Variants in KIF13B observed in about 807,000 individuals in gnomAD.
The protein encoded by KIF13B is kinesin-like protein KIF13B.
Under a neutral mutation model 222.0 loss-of-function variants are expected in KIF13B, and 127 were observed. The ratio of observed to expected loss-of-function variants is 0.57; its 90% CI spans 0.50 to 0.66. KIF13B has a LOEUF of 0.66. Ranked by LOEUF, KIF13B falls within the 30% of genes least tolerant of loss-of-function variation. The pLI, the probability that KIF13B is intolerant of heterozygous loss-of-function variation, is 0.00. For missense variants in KIF13B, 2,173 were observed against 2,379.0 expected, an observed-to-expected ratio of 0.91 and a Z score of 1.80; for synonymous variants, 976 against 919.0, an observed-to-expected ratio of 1.06 and a Z score of -1.12.
upstream of KIF13B, chr8:29,263,193 C>T (rs1412516338): frequency 1.3e-5 from 8 of 630,582 alleles, no homozygotes; most frequent in Non-Finnish European, 2.1e-5. Flanking sequence ...CGCTGTATGG[C>T]GGGACTTGTA....
chr8:29,141,332 TAA>T (rs76105853), intron 19 of KIF13B, among the ~76,000 whole-genome samples: 13 of 140,812 alleles, frequency 9.2e-5, no homozygotes, highest in African/African-American at 1.0e-4. Context: ...AGACTCCATC[TAA>T]AAAAAAAAAA....
In KIF13B at chr8:29,071,618, A is replaced by G; in HGVS notation, c.5218+2T>C. On this transcript the variant is annotated splice_donor_variant, in intron 39 of 39. Coordinates refer to ENST00000524189, the MANE Select transcript of KIF13B (RefSeq NM_015254.4). LOFTEE classifies it high-confidence loss of function. The surrounding 1 kb of genome is among the most constrained non-coding windows in gnomAD (Gnocchi z 4.9). ...CTGGAGCCCGGAGTGCCCGGTACCC[A>G]CCTGAGGGCAGGTCGAGCTCCACGC... The G allele has an allele frequency of 6.5e-7, 1 of 1,549,456 alleles. No individual in the cohort carries two copies. The highest frequency in any genetic ancestry group is 8.7e-7 in the Non-Finnish European group (1 of 1,147,534).
chr8:29,194,417 AC>A (rs1458854541), intron 3 of KIF13B, among the ~76,000 whole-genome samples: 1 of 152,000 alleles, frequency 6.6e-6, no homozygotes, highest in Non-Finnish European at 1.5e-5. Context: ...TGTGCTCGAC[AC>A]TGTTCAAAGG....
At chr8:29,113,348 C>G (rs1466627) in intron 32 of KIF13B, 115 bp downstream of exon 32, 256,092 of 551,204 alleles carry the variant, frequency 0.46, 63,761 homozygotes, top group Non-Finnish European at 0.53. Context: ...AAAATCTATA[C>G]CTTCCCTAAA....
intron 37 of KIF13B, among the ~76,000 whole-genome samples, chr8:29,083,327 T>G (rs1248151049): frequency 1.3e-5 from 2 of 152,194 alleles, no homozygotes; most frequent in Non-Finnish European, 2.9e-5. Context: ...TATAGCTAGT[T>G]TTGACAGAGA....
At chr8:29,122,448 A>T in intron 29 of KIF13B, 143 bp downstream of exon 29, 1 of 671,340 alleles carries the variant, frequency 1.5e-6, no homozygotes, top group African/African-American at 1.8e-5. Context: ...GTCCGTCTGC[A>T]ACCAGGAGAC....
chr8:29,194,139 T>C (rs531672890), intron 3 of KIF13B, among the ~76,000 whole-genome samples: 13 of 152,142 alleles, frequency 8.5e-5, no homozygotes, highest in African/African-American at 3.1e-4. Flanking sequence ...TTTTTACTTT[T>C]ATTGTTGTAT....
intron 29 of KIF13B, among the ~76,000 whole-genome samples, 195 bp from the exon 30 acceptor site, chr8:29,119,187 GATC>G: frequency 6.6e-6 from 1 of 152,294 alleles, no homozygotes; most frequent in African/African-American, 2.4e-5. Flanking sequence ...CTCAAAAAAT[GATC>G]TCATCCAATC....
rs770147879 is a variant in KIF13B at position 29,167,576 on chromosome 8, C to T, written c.955G>A (p.Gly319Arg). The T allele has an allele frequency of 3.1e-6, 5 of 1,613,772 alleles. No homozygotes were observed. The highest frequency in any genetic ancestry group is 4.2e-6 in the Non-Finnish European group (5 of 1,179,714). Residue 319 changes from glycine to arginine, a missense_variant, in exon 11 of 40, where the codon GGG becomes AGG. Gly to Arg is a moderately radical substitution (Grantham distance 125). Coordinates refer to ENST00000524189, the MANE Select transcript of KIF13B (RefSeq NM_015254.4). The part of the protein sequence containing the change: ...VLTWLLKDSL[G>R]GNSKTAMVAT... ...ACCATGGCGGTCTTGCTGTTACCCC[C>T]GAGGCTGTCCTACAGGAGAAAACAG...
At chr8:29,159,968 T>G (rs574161668) in intron 13 of KIF13B, among the ~76,000 whole-genome samples, 1 of 152,292 alleles carries the variant, frequency 6.6e-6, no homozygotes, top group South Asian at 2.1e-4. Flanking sequence ...CCCACACATG[T>G]GAGGGGAAAG....
intron 1 of KIF13B, among the ~76,000 whole-genome samples, chr8:29,260,650 CTT>C (rs71685557): frequency 0.05 from 7,552 of 151,184 alleles, 283 homozygotes; most frequent in Admixed American, 0.094. Context: ...GAGTTTCACT[CTT>C]GTCGCCCAGG....
chr8:29,108,026 T>C, intron 35 of KIF13B, 113 bp downstream of exon 35: 1 of 826,912 alleles, frequency 1.2e-6, no homozygotes, highest in Non-Finnish European at 2.0e-6. Context: ...TTTCACATAA[T>C]ACAGATGAGT....
rs1392069516 is a variant in KIF13B, at chr8:29,071,503, C to T, written c.5218+117G>A. Reference sequence around the variant, plus strand: ...GCCGCTCCCGCAGCTTCAGCCAAGCCGCTGCCTCCCGGCCCCTCCCTCTCC... The same window carrying T: ...GCCGCTCCCGCAGCTTCAGCCAAGCTGCTGCCTCCCGGCCCCTCCCTCTCC... On this transcript the variant is annotated intron_variant, in intron 39 of 39. Coordinates refer to ENST00000524189, the MANE Select transcript of KIF13B (RefSeq NM_015254.4). This position sits in a 1 kb window ranked among gnomAD's most constrained non-coding sequence, Gnocchi z 4.9. 7 of 920,576 alleles carry T rather than the reference C, an allele frequency of 7.6e-6. No homozygotes were observed. The highest frequency in any genetic ancestry group is 5.0e-5 in the Admixed American group (2 of 39,842). 57.0% of individuals were successfully genotyped at this position (920,576 alleles called of 1,614,324 possible). A position where few individuals can be genotyped will look rare whatever the true frequency, so the allele number is the denominator to read the frequency against.
chr8:29,091,580 C>T (rs540368388), intron 37 of KIF13B, among the ~76,000 whole-genome samples: 3 of 152,338 alleles, frequency 2.0e-5, no homozygotes, highest in Admixed American at 6.5e-5. Flanking sequence ...AAAACAGCTC[C>T]TAAATCTGAC....
chr8:29,102,985 G>A lies in KIF13B; in HGVS notation c.4216-3744C>T, dbSNP rs538112629. On this transcript the variant is annotated intron_variant, in intron 35 of 39. Coordinates refer to ENST00000524189, the MANE Select transcript of KIF13B (RefSeq NM_015254.4). Reference sequence around the variant, plus strand: ...CGGCCAGGTGCGGTGGCTCACGCCCGTAATCCCAGCACTTTGGGAAGCCAA... The same window carrying A: ...CGGCCAGGTGCGGTGGCTCACGCCCATAATCCCAGCACTTTGGGAAGCCAA... 1.3e-4 allele frequency among the ~76,000 whole-genome samples: 20 copies of A among 152,242 alleles called. No individual in the cohort carries two copies. The South Asian group carries it at 1.5e-3, about 11-fold the overall frequency.
At chr8:29,161,804 G>A (rs940216713) in intron 12 of KIF13B, among the ~76,000 whole-genome samples, 2 of 151,396 alleles carry the variant, frequency 1.3e-5, no homozygotes, top group African/African-American at 4.9e-5. Context: ...TGGAGCAGAC[G>A]TGTTCTACTT....
At chr8:29,075,388 G>A (rs1172512193) in intron 37 of KIF13B, 45 bp from the exon 38 acceptor site, 35 of 1,522,246 alleles carry the variant, frequency 2.3e-5, no homozygotes, top group Non-Finnish European at 2.7e-5. Context: ...GGACAGAACA[G>A]GGGTAGCAGA....
At chr8:29,079,122 C>T (rs1482484944) in intron 37 of KIF13B, among the ~76,000 whole-genome samples, 1 of 152,220 alleles carries the variant, frequency 6.6e-6, no homozygotes, top group African/African-American at 2.4e-5. Context: ...CCTTGCTTTG[C>T]TTGCTCTACT....
chr8:29,175,654 G>A (rs569848992), intron 10 of KIF13B, among the ~76,000 whole-genome samples: 1 of 152,342 alleles, frequency 6.6e-6, no homozygotes, highest in East Asian at 1.9e-4. Context: ...CTGTCCCAAA[G>A]TTAAACAGAA....
Sources: gnomAD v4.1 joint callset for allele counts (sites outside exome capture counted in the v4.1 genomes callset) on GRCh38, gnomAD v4.1.1 for gene constraint, Gnocchi (gnomAD v3.1) non-coding constraint, MANE v1.5 for transcripts, NCBI Gene and HGNC (gene_info 2026-07-23, HGNC 2026-07-21) for gene names.